ASCC3: variants seen among roughly 807,000 people sequenced by gnomAD.
The protein encoded by ASCC3 is ASC-1 complex subunit P200.
A neutral mutation model predicts 256.3 loss-of-function variants in ASCC3; 158 were observed. The ratio of observed to expected loss-of-function variants is 0.62; its 90% CI spans 0.54 to 0.70. The LOEUF is 0.70. Ranked by LOEUF, ASCC3 falls within the 30% of genes least tolerant of loss-of-function variation. The pLI, the probability that ASCC3 is intolerant of heterozygous loss-of-function variation, is 0.00. For synonymous variants in ASCC3, 948 were observed against 883.4 expected (o/e 1.07, Z -1.30); for missense variants, 2,259 against 2,626.0 (o/e 0.86, Z 3.05).
In ASCC3 at chr6:100,532,372, A is replaced by ATG. The variant is rs1167560882; in HGVS notation, c.5775+7789_5775+7790dup. 6.5e-4 allele frequency among the ~76,000 whole-genome samples: 45 copies of ATG among 68,706 alleles called. 1 individual carries two copies. Among genetic ancestry groups the ATG allele is most frequent in the East Asian group, 2.7e-3 (7 of 2,640 alleles). 45.1% of individuals were successfully genotyped at this position (68,706 alleles called of 152,430 possible). A position where few individuals can be genotyped will look rare whatever the true frequency, so the allele number is the denominator to read the frequency against. On this transcript the variant is annotated intron_variant, in intron 37 of 41. Coordinates refer to ENST00000369162, the MANE Select transcript of ASCC3 (RefSeq NM_006828.4). ...TGTGTGTGTGTGTGTGTGTGTGTGT[A>ATG]TGTGTGTATATATATATATATATAT... is the stretch of plus-strand genomic sequence containing the variant.
chr6:100,647,849 A>C (rs1775459475), intron 20 of ASCC3, among the ~76,000 whole-genome samples: 1 of 152,094 alleles, frequency 6.6e-6, no homozygotes, highest in Non-Finnish European at 1.5e-5. Context: ...TTAGAGGATT[A>C]AGGAAGACTG....
intron 37 of ASCC3, among the ~76,000 whole-genome samples, chr6:100,527,883 G>A (rs1228650297): frequency 6.7e-6 from 1 of 150,368 alleles, no homozygotes; most frequent in Non-Finnish European, 1.5e-5. Context: ...CTGTCACCCA[G>A]GCTGGAGTGC....
chr6:100,730,980 C>T (rs6925065), intron 10 of ASCC3, among the ~76,000 whole-genome samples: 69,475 of 151,966 alleles, frequency 0.46, 16,286 homozygotes, highest in Middle Eastern at 0.6. Context: ...AGTATTCTCA[C>T]AGCATATTGT....
intron 1 of ASCC3, among the ~76,000 whole-genome samples, chr6:100,875,919 TGAGA>T (rs1035153331): frequency 1.3e-5 from 2 of 151,380 alleles, no homozygotes; most frequent in African/African-American, 4.9e-5. Flanking sequence ...TTCAAGAAAA[TGAGA>T]AAGAAAAGGA....
At chr6:100,564,395 C>T (rs992162251) in intron 36 of ASCC3, among the ~76,000 whole-genome samples, 3 of 152,192 alleles carry the variant, frequency 2.0e-5, no homozygotes, top group Middle Eastern at 3.4e-3. Context: ...TATTCTACTC[C>T]CTACCTCCAT....
chr6:100,741,939 A>G (rs1780454230), intron 10 of ASCC3, among the ~76,000 whole-genome samples: 1 of 152,100 alleles, frequency 6.6e-6, no homozygotes, highest in Non-Finnish European at 1.5e-5. Context: ...TTTGGAGAAG[A>G]GGCATTGGAT....
At chr6:100,756,318 G>A (rs769526297) in intron 10 of ASCC3, among the ~76,000 whole-genome samples, 8 of 151,842 alleles carry the variant, frequency 5.3e-5, no homozygotes, top group South Asian at 2.1e-4. Context: ...TTCCTTAGAG[G>A]TAATGTATGT....
chr6:100,631,304 T>C (rs1400203359), intron 25 of ASCC3, 91 bp from the exon 26 acceptor site: 5 of 970,942 alleles, frequency 5.1e-6, no homozygotes, highest in Middle Eastern at 2.6e-4. Flanking sequence ...TGTCAAAATA[T>C]GACAGTGTGG....
In ASCC3 at chr6:100,774,519, C is replaced by A. The variant is rs545026416; in HGVS notation, c.1396-7174G>T. Among the ~76,000 whole-genome samples, 4 of 152,046 alleles carry A rather than the reference C, an allele frequency of 2.6e-5. No individual in the cohort carries two copies. The East Asian group carries it at 7.8e-4, about 30-fold the overall frequency. On this transcript the variant is annotated intron_variant, in intron 8 of 41. Transcript: ENST00000369162. ...TAGCTGATACTACAGGCGCCCATCA[C>A]CACGCCTGGCTAATTTTTTGTATTT...
chr6:100,689,129 T>A (rs756485253), intron 13 of ASCC3, among the ~76,000 whole-genome samples: 100 of 152,190 alleles, frequency 6.6e-4, no homozygotes, highest in Non-Finnish European at 1.2e-3. Context: ...CCAGTTCTAG[T>A]GATCCTTCTC....
intron 36 of ASCC3, among the ~76,000 whole-genome samples, chr6:100,574,850 C>T (rs763569397): frequency 2.6e-5 from 4 of 151,982 alleles, no homozygotes; most frequent in Non-Finnish European, 4.4e-5. Flanking sequence ...TATTTCATTT[C>T]TCTATGTTAA....
intron 4 of ASCC3, among the ~76,000 whole-genome samples, chr6:100,845,455 A>T (rs1267699715): frequency 1.3e-5 from 2 of 152,142 alleles, no homozygotes; most frequent in Non-Finnish European, 2.9e-5. Flanking sequence ...TGCTATTTTT[A>T]AAAAAATTTT....
intron 8 of ASCC3, among the ~76,000 whole-genome samples, chr6:100,792,237 C>T (rs1360149582): frequency 2.0e-5 from 3 of 151,790 alleles, no homozygotes; most frequent in African/African-American, 4.8e-5. Flanking sequence ...CCTGTTGATA[C>T]ACTAAATCAT....
At position 100,626,811 on chromosome 6, in the gene ASCC3, T is replaced by C. The variant is rs763555670; in HGVS notation, c.4642+779A>G. Among the ~76,000 whole-genome samples the C allele has an allele frequency of 8.3e-4, 126 of 152,142 alleles. 1 individual carries two copies. The highest frequency in any genetic ancestry group is 1.6e-4 in the Non-Finnish European group (11 of 68,010). On this transcript the variant is annotated intron_variant, in intron 29 of 41. Transcript: ENST00000369162. ...TATAAATGGATCTCTTGTCTTTCTTTAAACCTCAACATCTAATGGATTTTT... is the reference window on the plus strand; with the variant it reads ...TATAAATGGATCTCTTGTCTTTCTTCAAACCTCAACATCTAATGGATTTTT...
intron 13 of ASCC3, among the ~76,000 whole-genome samples, chr6:100,705,648 T>A (rs1040667336): frequency 2.6e-5 from 4 of 152,034 alleles, no homozygotes; most frequent in East Asian, 3.9e-4. Context: ...CACTTTTTTT[T>A]AACTGATTGT....
intron 10 of ASCC3, among the ~76,000 whole-genome samples, chr6:100,750,071 CA>C (rs1209402450): frequency 6.6e-6 from 1 of 151,660 alleles, no homozygotes; most frequent in African/African-American, 2.4e-5. Flanking sequence ...GCCTTTTTGA[CA>C]AAAACTGCCT....
At chr6:100,810,326 G>A (rs976093090) in intron 4 of ASCC3, among the ~76,000 whole-genome samples, 3 of 151,936 alleles carry the variant, frequency 2.0e-5, no homozygotes, top group Admixed American at 6.6e-5. Flanking sequence ...TCTTCTCCAC[G>A]GCTTTCTCTA....
intron 38 of ASCC3, among the ~76,000 whole-genome samples, chr6:100,517,327 T>C (rs1234054891): frequency 6.6e-6 from 1 of 152,160 alleles, no homozygotes; most frequent in Non-Finnish European, 1.5e-5. Flanking sequence ...ATTGTTTTGC[T>C]TGTCTACATG....
At chr6:100,550,943 A>G (rs1362813112) in intron 36 of ASCC3, among the ~76,000 whole-genome samples, 1 of 151,966 alleles carries the variant, frequency 6.6e-6, no homozygotes, top group Non-Finnish European at 1.5e-5. Context: ...TCTAAGTTTA[A>G]TAAGTTTCAT....
Sources: gnomAD v4.1 joint callset for allele counts (sites outside exome capture counted in the v4.1 genomes callset) on GRCh38, gnomAD v4.1.1 for gene constraint, MANE v1.5 for transcripts, NCBI Gene and HGNC (gene_info 2026-07-23, HGNC 2026-07-21) for gene names.